TRPC4AP: variants seen among roughly 807,000 people sequenced by gnomAD.
TRPC4AP encodes short transient receptor potential channel 4-associated protein.
TRPC4AP carries 45 observed loss-of-function variants against 99.0 expected under a neutral mutation model. That is an observed-to-expected ratio of 0.45 (90% CI 0.36 to 0.58). TRPC4AP has a LOEUF of 0.58. TRPC4AP is among the 20% of genes least tolerant of loss of function. The pLI, the probability that TRPC4AP is intolerant of heterozygous loss-of-function variation, is 0.00. For missense variants in TRPC4AP, 879 were observed against 985.3 expected (o/e 0.89, Z 1.44); for synonymous variants, 408 against 385.8 (o/e 1.06, Z -0.67).
At chr20:35,028,107 A>T (rs527739952) in intron 8 of TRPC4AP, among the ~76,000 whole-genome samples, 4 of 152,312 alleles carry the variant, frequency 2.6e-5, no homozygotes, top group South Asian at 2.1e-4. Context: ...AGATTTATTT[A>T]AAAATGTAGG....
At chr20:35,018,623 A>AAG (rs2082811430) in intron 9 of TRPC4AP, among the ~76,000 whole-genome samples, 1 of 146,950 alleles carries the variant, frequency 6.8e-6, no homozygotes, top group Non-Finnish European at 1.5e-5. Flanking sequence ...AAAAAAAAAA[A>AAG]AAAGAAAGAA....
chr20:35,088,143 A>G (rs1197835806), intron 1 of TRPC4AP, among the ~76,000 whole-genome samples: 1 of 152,260 alleles, frequency 6.6e-6, no homozygotes, highest in Non-Finnish European at 1.5e-5. Flanking sequence ...TAAGCTATGT[A>G]CTTATAGCTG....
chr20:35,077,322 T>TCA (rs1272137579), intron 2 of TRPC4AP, among the ~76,000 whole-genome samples: 2 of 152,110 alleles, frequency 1.3e-5, no homozygotes, highest in African/African-American at 4.8e-5. Context: ...AATGCAAAAA[T>TCA]CACCTGTCTT....
intron 7 of TRPC4AP, among the ~76,000 whole-genome samples, chr20:35,036,980 C>T (rs946637006): frequency 6.6e-5 from 10 of 151,840 alleles, no homozygotes; most frequent in African/African-American, 4.8e-5. Context: ...CACACACACA[C>T]CCCTCCCATA....
At position 35,049,991 on chromosome 20, in the gene TRPC4AP, C is replaced by T. The variant is rs746445620; in HGVS notation, c.532G>A (p.Glu178Lys). 1 of 1,613,216 alleles carries T rather than the reference C, an allele frequency of 6.2e-7. No homozygotes were observed. Among genetic ancestry groups the T allele is most frequent in the Non-Finnish European group, 8.5e-7 (1 of 1,179,670 alleles). Residue 178 changes from glutamate to lysine, a missense_variant, in exon 6 of 19, where the codon GAG becomes AAG. By Grantham distance (56) the Glu-to-Lys change is moderately conservative. Transcript: ENST00000252015. ...SILYNTCVCT[E>K]GVTKRLAEKN... ...TCTGCCAAACGCTTTGTAACTCCCTCTGTCTGTCACAAGAAGAAAAGGCAG... is the reference window on the plus strand; with the variant it reads ...TCTGCCAAACGCTTTGTAACTCCCTTTGTCTGTCACAAGAAGAAAAGGCAG...
chr20:35,083,088 T>C (rs1432614090), intron 1 of TRPC4AP, among the ~76,000 whole-genome samples: 3 of 152,176 alleles, frequency 2.0e-5, no homozygotes, highest in Non-Finnish European at 4.4e-5. Flanking sequence ...TGATATAATA[T>C]TCACAGATGA....
chr20:35,005,028 C>A (rs1394404094), intron 16 of TRPC4AP, among the ~76,000 whole-genome samples: 1 of 152,236 alleles, frequency 6.6e-6, no homozygotes, highest in Non-Finnish European at 1.5e-5. Context: ...GGCACAGGTT[C>A]TGCTCCGTCC....
chr20:35,075,882 C>T (rs528651103), intron 2 of TRPC4AP, among the ~76,000 whole-genome samples: 1 of 152,328 alleles, frequency 6.6e-6, no homozygotes, highest in South Asian at 2.1e-4. Flanking sequence ...CTCCCCGTCA[C>T]TTTCAGGTAC....
intron 9 of TRPC4AP, among the ~76,000 whole-genome samples, chr20:35,016,993 G>A (rs1444035814): frequency 6.6e-6 from 1 of 152,198 alleles, no homozygotes; most frequent in Admixed American, 6.5e-5. Flanking sequence ...GTGTTTGGCA[G>A]TAGCTCTAAA....
intron 1 of TRPC4AP, among the ~76,000 whole-genome samples, chr20:35,087,780 T>C (rs2084929180): frequency 6.6e-6 from 1 of 152,214 alleles, no homozygotes; most frequent in Admixed American, 6.5e-5. Flanking sequence ...GCATATTTTA[T>C]TGCCTTGACA....
intron 12 of TRPC4AP, among the ~76,000 whole-genome samples, chr20:35,009,144 C>T (rs2082577991): frequency 6.6e-6 from 1 of 152,214 alleles, no homozygotes; most frequent in Non-Finnish European, 1.5e-5. Flanking sequence ...TGGCCTTGGG[C>T]AAGTGTCCAC....
At chr20:35,056,610 G>A (rs947921502) in intron 4 of TRPC4AP, among the ~76,000 whole-genome samples, 1 of 151,960 alleles carries the variant, frequency 6.6e-6, no homozygotes, top group Non-Finnish European at 1.5e-5. Context: ...TTGGTAGGAG[G>A]GCATTCACCA....
At chr20:35,018,495 C>G (rs760001924) in intron 9 of TRPC4AP, among the ~76,000 whole-genome samples, 1 of 149,194 alleles carries the variant, frequency 6.7e-6, no homozygotes, top group African/African-American at 2.5e-5. Flanking sequence ...ACTTGGAGGG[C>G]TGAGGCAAGA....
chr20:35,059,458 G>A (rs1449345715), intron 3 of TRPC4AP, among the ~76,000 whole-genome samples: 1 of 152,112 alleles, frequency 6.6e-6, no homozygotes, highest in Non-Finnish European at 1.5e-5. Flanking sequence ...CCAGAAGATT[G>A]AGACCACCCT....
intron 7 of TRPC4AP, 24 bp from the exon 8 acceptor site, chr20:35,035,332 G>A: frequency 6.2e-7 from 1 of 1,605,328 alleles, no homozygotes; most frequent in Non-Finnish European, 8.5e-7. Context: ...AACAAGCGAG[G>A]AAATTTTCAA....
intron 16 of TRPC4AP, among the ~76,000 whole-genome samples, chr20:35,005,414 C>T (rs887874332): frequency 1.1e-4 from 17 of 152,222 alleles, no homozygotes; most frequent in African/African-American, 3.9e-4. Flanking sequence ...ACACTGAGGA[C>T]GAGGGGGCCA....
At chr20:35,048,864 A>G (rs1053310388) in intron 6 of TRPC4AP, among the ~76,000 whole-genome samples, 2 of 152,220 alleles carry the variant, frequency 1.3e-5, no homozygotes, top group Admixed American at 1.3e-4. Context: ...TTTTTATCAA[A>G]GGGCACAAAG....
At chr20:35,043,907 C>G (rs936317680) in intron 7 of TRPC4AP, among the ~76,000 whole-genome samples, 1 of 152,080 alleles carries the variant, frequency 6.6e-6, no homozygotes, top group Non-Finnish European at 1.5e-5. Context: ...AATGAAGGCC[C>G]AGGAGAGACT....
At chr20:35,045,967 C>A (rs980312894) in intron 6 of TRPC4AP, among the ~76,000 whole-genome samples, 1 of 152,178 alleles carries the variant, frequency 6.6e-6, no homozygotes, top group Non-Finnish European at 1.5e-5. Context: ...CTGTGCCTGA[C>A]CCTTTCTTCT....
Sources: allele counts gnomAD v4.1 joint callset (sites outside exome capture counted in the v4.1 genomes callset), GRCh38; gene constraint gnomAD v4.1.1; transcripts MANE v1.5; gene names NCBI Gene and HGNC (gene_info 2026-07-23, HGNC 2026-07-21).